The following SUGCT variants were observed in gnomAD, a reference collection of about 807,000 sequenced individuals.
The protein encoded by SUGCT is succinyl-CoA:glutarate CoA-transferase.
A neutral mutation model predicts 55.0 loss-of-function variants in SUGCT; 41 were observed. That is an observed-to-expected ratio of 0.74 (90% confidence interval 0.58 to 0.97). The LOEUF (loss-of-function observed/expected upper bound fraction) is 0.97. SUGCT is among the 50% of genes least tolerant of loss of function. The probability of loss-of-function intolerance (pLI) is 0.00; values close to 1 mark genes in which losing one functional copy is unlikely to be tolerated. For synonymous variants in SUGCT, 187 were observed against 200.4 expected, an observed-to-expected ratio of 0.93 and a Z score of 0.56; for missense variants, 568 against 547.8, an observed-to-expected ratio of 1.04 and a Z score of -0.37.
rs1491194066 is a variant in SUGCT, at chr7:40,324,243, A to AT, written c.816+7388_816+7389insT. On this transcript the variant is annotated intron_variant, in intron 9 of 13. Coordinates refer to ENST00000335693, the MANE Select transcript of SUGCT (RefSeq NM_001193313.2). ...CAGATGATCATATATATAAATAAATAAATAAATAAATATATATATATTTAT... is the reference window on the plus strand; with the variant it reads ...CAGATGATCATATATATAAATAAATATAATAAATAAATATATATATATTTAT... 8.4e-3 allele frequency among the ~76,000 whole-genome samples: 897 copies of AT among 107,372 alleles called. 29 individuals are homozygous for AT. The highest frequency in any genetic ancestry group is 0.021 in the African/African-American group (596 of 28,792). The allele number at this position is 107,372 out of a possible 152,430, so 70.4% of individuals were successfully genotyped here.
rs56989808 is a variant in SUGCT, at chr7:40,316,955, G to GTTTTTTTTTTTTTTTTTTTTTT, written c.816+118_816+119insTTTTTTTTTTTTTTTTTTTTTT. ...CTTTTTATACACAAATCCTTCAGCT[G>GTTTTTTTTTTTTTTTTTTTTTT]TTTTTTTTTTTTTTTTTTGTAATGT... On this transcript the variant is annotated intron_variant, in intron 9 of 13. Transcript: ENST00000335693. The GTTTTTTTTTTTTTTTTTTTTTT allele has an allele frequency of 4.6e-4, 80 of 173,528 alleles. 4 individuals carry two copies. The highest frequency in any genetic ancestry group is 6.6e-4 in the Non-Finnish European group (62 of 93,518). 10.7% of individuals were successfully genotyped at this position (173,528 alleles called of 1,614,324 possible).
At chr7:40,566,739 C>A (rs934745383) in intron 12 of SUGCT, among the ~76,000 whole-genome samples, 4 of 152,172 alleles carry the variant, frequency 2.6e-5, no homozygotes, top group Non-Finnish European at 5.9e-5. Context: ...GATGCTTTCT[C>A]AAAATGTGAT....
chr7:40,163,973 C>T (rs989639101), intron 1 of SUGCT, among the ~76,000 whole-genome samples: 3 of 152,010 alleles, frequency 2.0e-5, no homozygotes, highest in Non-Finnish European at 4.4e-5. Context: ...AGGCATGCAC[C>T]ACCACACCCA....
At chr7:40,936,879 G>A in the SUGCT span, among the ~76,000 whole-genome samples, 2 of 151,766 alleles carry the variant, frequency 1.3e-5, no homozygotes, top group African/African-American at 4.8e-5. Flanking sequence ...AGGATGTGTT[G>A]CTTTATTTCC....
intron 13 of SUGCT, among the ~76,000 whole-genome samples, chr7:40,777,151 A>G (rs1228943563): frequency 6.6e-6 from 1 of 152,214 alleles, no homozygotes. Flanking sequence ...CCTCTTATCT[A>G]TCTTCATAGA....
At chr7:40,920,532 C>T in the SUGCT span, among the ~76,000 whole-genome samples, 2 of 152,152 alleles carry the variant, frequency 1.3e-5, no homozygotes, top group African/African-American at 4.8e-5. Flanking sequence ...CGAGGTGGTC[C>T]AGCTACTTCC....
intron 13 of SUGCT, among the ~76,000 whole-genome samples, chr7:40,799,935 T>G (rs1790726739): frequency 6.6e-6 from 1 of 152,142 alleles, no homozygotes; most frequent in Admixed American, 6.5e-5. Context: ...CCTGAAAAAC[T>G]GCGAGATTTT....
intron 12 of SUGCT, among the ~76,000 whole-genome samples, chr7:40,579,396 A>G (rs6948900): frequency 0.28 from 42,092 of 151,940 alleles, 8,634 homozygotes; most frequent in African/African-American, 0.58. Context: ...ACTTGGGGCC[A>G]TTGAAAAGCT....
At chr7:40,138,304 T>C (rs145213480) in intron 1 of SUGCT, among the ~76,000 whole-genome samples, 1 of 152,228 alleles carries the variant, frequency 6.6e-6, no homozygotes, top group African/African-American at 2.4e-5. Flanking sequence ...GTTCTATCCA[T>C]GTTGCTGCAA....
intron 12 of SUGCT, among the ~76,000 whole-genome samples, chr7:40,695,167 T>TTATATTTATTTATTTATTTA (rs1554403265): frequency 7.4e-6 from 1 of 135,478 alleles, no homozygotes; most frequent in Non-Finnish European, 1.6e-5. Flanking sequence ...AAACCCTTAT[T>TTATATTTATTTATTTATTTA]TTTATTTATT....
chr7:40,243,641 G>A (rs1789616888), intron 7 of SUGCT, among the ~76,000 whole-genome samples: 1 of 151,924 alleles, frequency 6.6e-6, no homozygotes, highest in Non-Finnish European at 1.5e-5. Flanking sequence ...TGTTGACAAC[G>A]AAGGCAGTTC....
At chr7:40,219,792 T>G (rs1787923150) in intron 6 of SUGCT, among the ~76,000 whole-genome samples, 1 of 152,234 alleles carries the variant, frequency 6.6e-6, no homozygotes, top group African/African-American at 2.4e-5. Context: ...AATAATACCT[T>G]AAATTAAAAT....
chr7:41,022,726 G>A, the SUGCT span, among the ~76,000 whole-genome samples: 1 of 152,064 alleles, frequency 6.6e-6, no homozygotes, highest in African/African-American at 2.4e-5. Flanking sequence ...TTGATTTACT[G>A]TGCTAAATAT....
At chr7:40,349,415 C>G (rs1300627091) in intron 9 of SUGCT, among the ~76,000 whole-genome samples, 1 of 151,986 alleles carries the variant, frequency 6.6e-6, no homozygotes, top group Non-Finnish European at 1.5e-5. Flanking sequence ...GTGGCTCAAT[C>G]TCAGCTCAAC....
intron 12 of SUGCT, among the ~76,000 whole-genome samples, chr7:40,591,907 C>A (rs1001230337): frequency 1.3e-5 from 2 of 152,066 alleles, no homozygotes; most frequent in Non-Finnish European, 2.9e-5. Context: ...CACTGGAAAC[C>A]ACAAAATTCA....
chr7:40,253,678 G>A (rs182452558), intron 7 of SUGCT, among the ~76,000 whole-genome samples: 13 of 152,118 alleles, frequency 8.5e-5, no homozygotes, highest in African/African-American at 3.1e-4. Flanking sequence ...GAGCCACCAC[G>A]CACGGCTAAT....
downstream of SUGCT, among the ~76,000 whole-genome samples, chr7:40,861,259 CA>C (rs1434205295): frequency 6.6e-6 from 1 of 152,184 alleles, no homozygotes; most frequent in African/African-American, 2.4e-5. Context: ...ATGAATTAAA[CA>C]GGTTCTTAAA....
chr7:40,785,444 A>T (rs1789962493), intron 13 of SUGCT, among the ~76,000 whole-genome samples: 1 of 152,198 alleles, frequency 6.6e-6, no homozygotes, highest in Non-Finnish European at 1.5e-5. Flanking sequence ...TGATACTGAG[A>T]TTTCTTTGGA....
intron 13 of SUGCT, among the ~76,000 whole-genome samples, chr7:40,754,141 T>C (rs1367389339): frequency 6.6e-6 from 1 of 152,180 alleles, no homozygotes; most frequent in Non-Finnish European, 1.5e-5. Context: ...ATTTAGTATA[T>C]TATTCATTAA....
Sources: allele counts gnomAD v4.1 joint callset (sites outside exome capture counted in the v4.1 genomes callset), GRCh38; gene constraint gnomAD v4.1.1; transcripts MANE v1.5; gene names NCBI Gene and HGNC (gene_info 2026-07-23, HGNC 2026-07-21).